The following CDH12 variants were observed in gnomAD, a reference collection of about 807,000 sequenced individuals.
CDH12 encodes the protein cadherin 12.
A neutral mutation model predicts 74.1 loss-of-function variants in CDH12; 41 were observed. That is an observed-to-expected ratio of 0.55 (90% CI 0.43 to 0.72). CDH12 has a LOEUF of 0.72. CDH12 is among the 30% of genes least tolerant of loss of function. CDH12 has a pLI of 0.00. For missense variants in CDH12, 945 were observed against 977.2 expected (o/e 0.97, Z 0.44); for synonymous variants, 399 against 355.0 (o/e 1.12, Z -1.39).
intron 4 of CDH12, among the ~76,000 whole-genome samples, chr5:22,180,552 G>C (rs976478716): frequency 2.0e-5 from 3 of 150,554 alleles, no homozygotes; most frequent in African/African-American, 7.4e-5. Context: ...TCACTTTGTC[G>C]CCCAAGCTGG....
intron 1 of CDH12, among the ~76,000 whole-genome samples, chr5:22,845,517 C>T (rs1354848539): frequency 2.0e-5 from 3 of 151,950 alleles, no homozygotes; most frequent in African/African-American, 4.8e-5. Flanking sequence ...CCTCTATGTG[C>T]GACTATTATA....
intron 4 of CDH12, among the ~76,000 whole-genome samples, chr5:22,145,364 C>A (rs1330171602): frequency 2.6e-5 from 4 of 151,952 alleles, no homozygotes; most frequent in Non-Finnish European, 5.9e-5. Flanking sequence ...TTTGTTCTTT[C>A]CAGTACATTT....
intron 5 of CDH12, among the ~76,000 whole-genome samples, chr5:22,063,607 T>A (rs376819683): frequency 4.6e-5 from 7 of 152,094 alleles, no homozygotes; most frequent in African/African-American, 1.7e-4. Context: ...TACATCTTAC[T>A]GGGCCTAGTA....
At chr5:22,302,435 A>T (rs906597619) in intron 3 of CDH12, among the ~76,000 whole-genome samples, 5 of 152,182 alleles carry the variant, frequency 3.3e-5, no homozygotes, top group Non-Finnish European at 5.9e-5. Flanking sequence ...TGTGCAATTA[A>T]TGGAGATTGA....
intron 1 of CDH12, among the ~76,000 whole-genome samples, chr5:22,554,940 T>C (rs1738732005): frequency 6.6e-6 from 1 of 152,104 alleles, no homozygotes; most frequent in Non-Finnish European, 1.5e-5. Context: ...GGCACAATTA[T>C]TAAAATTAGT....
rs571712854 is a variant in CDH12, at chr5:22,387,233, A to T, written c.-333+18024T>A. 1.1e-3 allele frequency among the ~76,000 whole-genome samples: 164 copies of T among 152,172 alleles called. 1 individual carries two copies. The highest frequency in any genetic ancestry group is 1.6e-3 in the Non-Finnish European group (112 of 67,968). ...AATGCCTTTAAAAAGTTACATTTTTAAAAATTGTAATGTACATTTAAAAAC... is the reference window on the plus strand; with the variant it reads ...AATGCCTTTAAAAAGTTACATTTTTTAAAATTGTAATGTACATTTAAAAAC... On this transcript the variant is annotated intron_variant, in intron 3 of 14. Transcript: ENST00000382254.
intron 2 of CDH12, among the ~76,000 whole-genome samples, chr5:22,441,682 A>G (rs1270409609): frequency 6.6e-6 from 1 of 152,126 alleles, no homozygotes; most frequent in African/African-American, 2.4e-5. Context: ...ACACAAAAAT[A>G]GATATATTAT....
intron 9 of CDH12, among the ~76,000 whole-genome samples, chr5:21,803,519 C>T (rs1030371276): frequency 4.3e-4 from 65 of 152,042 alleles, no homozygotes; most frequent in African/African-American, 1.5e-3. Context: ...TTTAGCTTAT[C>T]GCTGCTTACT....
rs537435695 is a variant in CDH12 at position 21,917,126 on chromosome 5, C to A, written c.526+57965G>T. 1.4e-4 allele frequency among the ~76,000 whole-genome samples: 22 copies of A among 152,256 alleles called. No homozygotes were observed. The South Asian group carries it at 4.6e-3, about 32-fold the overall frequency. On this transcript the variant is annotated intron_variant, in intron 6 of 14. Coordinates refer to ENST00000382254, the MANE Select transcript of CDH12 (RefSeq NM_004061.5). The stretch of plus-strand genomic sequence containing the variant: ...TCAGGTGTGGTTTAAGTACTGAACT[C>A]TCTGAACTTCAAGCTCCTCAATATA...
chr5:22,799,916 CATAAT>C, intron 1 of CDH12, among the ~76,000 whole-genome samples: 1 of 152,132 alleles, frequency 6.6e-6, no homozygotes, highest in East Asian at 1.9e-4. Flanking sequence ...AAGATTGCCT[CATAAT>C]AAATAAATAT....
intron 2 of CDH12, among the ~76,000 whole-genome samples, 171 bp from the exon 3 acceptor site, chr5:22,405,522 T>C (rs1231348771): frequency 6.6e-6 from 1 of 152,120 alleles, no homozygotes; most frequent in Non-Finnish European, 1.5e-5. Context: ...CAAAATTCTA[T>C]CAGGCCAAAG....
At chr5:21,907,451 AAAG>A (rs1426682370) in intron 6 of CDH12, among the ~76,000 whole-genome samples, 1 of 152,210 alleles carries the variant, frequency 6.6e-6, no homozygotes, top group Non-Finnish European at 1.5e-5. Context: ...CTATGTTGGC[AAAG>A]GGAGGGCCTT....
intron 1 of CDH12, among the ~76,000 whole-genome samples, chr5:22,741,102 G>A (rs1163873579): frequency 1.3e-5 from 2 of 152,014 alleles, no homozygotes; most frequent in Non-Finnish European, 2.9e-5. Flanking sequence ...TATTACAAAA[G>A]GTTATTTCTG....
chr5:21,871,268 A>T (rs776025273), intron 6 of CDH12, among the ~76,000 whole-genome samples: 2 of 152,188 alleles, frequency 1.3e-5, no homozygotes, highest in Non-Finnish European at 2.9e-5. Context: ...TTAACCATTA[A>T]ACAATTGTGT....
At chr5:21,906,879 G>T (rs1223394809) in intron 6 of CDH12, among the ~76,000 whole-genome samples, 1 of 152,106 alleles carries the variant, frequency 6.6e-6, no homozygotes, top group Non-Finnish European at 1.5e-5. Flanking sequence ...GTCTCTCTTT[G>T]TTGCCCAGGC....
At chr5:22,326,444 T>C (rs1243918655) in intron 3 of CDH12, among the ~76,000 whole-genome samples, 5 of 152,036 alleles carry the variant, frequency 3.3e-5, no homozygotes, top group South Asian at 2.1e-4. Flanking sequence ...ACCGTGTTAG[T>C]CGGGATGGTC....
rs903489991 is a variant in CDH12 at position 22,405,313 on chromosome 5, C to T, written c.-389G>A. 32 of 982,148 alleles carry T rather than the reference C, an allele frequency of 3.3e-5. No individual in the cohort carries two copies. Among genetic ancestry groups the T allele is most frequent in the Non-Finnish European group, 3.7e-5 (31 of 827,128 alleles). 60.8% of individuals were successfully genotyped at this position (982,148 alleles called of 1,614,324 possible). A position where few individuals can be genotyped will look rare whatever the true frequency, so the allele number is the denominator to read the frequency against. On this transcript the variant is annotated 5_prime_UTR_variant, in exon 3 of 15. Transcript: ENST00000382254. ...CTTATGTATCTCAAATTGTTTTGAC[C>T]TCCACAGTAACTTGATTCTATAGCA...
intron 1 of CDH12, among the ~76,000 whole-genome samples, chr5:22,726,022 C>T (rs1005383003): frequency 4.0e-5 from 6 of 151,686 alleles, no homozygotes; most frequent in African/African-American, 1.2e-4. Flanking sequence ...GTGGCACATA[C>T]GTTGCAACTG....
At chr5:22,197,198 A>G (rs1315642333) in intron 4 of CDH12, among the ~76,000 whole-genome samples, 1 of 152,296 alleles carries the variant, frequency 6.6e-6, no homozygotes, top group African/African-American at 2.4e-5. Context: ...TAATCCCAGC[A>G]CTTTGGGAGG....
Sources: allele counts gnomAD v4.1 joint callset (sites outside exome capture counted in the v4.1 genomes callset), GRCh38; gene constraint gnomAD v4.1.1; transcripts MANE v1.5; gene names NCBI Gene and HGNC (gene_info 2026-07-23, HGNC 2026-07-21).